The following DLG2 variants were observed in gnomAD, a reference collection of about 807,000 sequenced individuals.
DLG2 encodes the protein disks large homolog 2.
DLG2 carries 45 observed loss-of-function variants against 132.5 expected under a neutral mutation model. The ratio of observed to expected loss-of-function variants is 0.34; its 90% CI spans 0.27 to 0.44. The LOEUF (loss-of-function observed/expected upper bound fraction) is 0.44. Ranked by LOEUF, DLG2 falls within the 20% of genes least tolerant of loss-of-function variation. The pLI is 1.00. For missense variants in DLG2, 1,045 were observed against 1,196.9 expected (o/e 0.87, Z 1.87); for synonymous variants, 424 against 419.6 (o/e 1.01, Z -0.13).
At chr11:84,990,445 G>A (rs1566590919) in intron 6 of DLG2, among the ~76,000 whole-genome samples, 2 of 152,116 alleles carry the variant, frequency 1.3e-5, no homozygotes, top group African/African-American at 4.8e-5. Context: ...TGCCATGCAA[G>A]AATGCAGCAA....
At chr11:83,842,262 C>T (rs189737780) in intron 16 of DLG2, among the ~76,000 whole-genome samples, 2 of 152,146 alleles carry the variant, frequency 1.3e-5, no homozygotes, top group East Asian at 3.9e-4. Flanking sequence ...TAGGCTTTCT[C>T]TCTTTACGGC....
At chr11:85,273,052 T>C (rs1460987574) in intron 4 of DLG2, among the ~76,000 whole-genome samples, 2 of 152,218 alleles carry the variant, frequency 1.3e-5, no homozygotes, top group Non-Finnish European at 2.9e-5. Flanking sequence ...GCTAGCCATA[T>C]GTAGAAAGCT....
At chr11:83,511,213 A>G (rs748214089) in intron 21 of DLG2, among the ~76,000 whole-genome samples, 3 of 151,886 alleles carry the variant, frequency 2.0e-5, no homozygotes, top group African/African-American at 7.3e-5. Flanking sequence ...CTGTAAACCA[A>G]TTGTCACTTT....
At chr11:85,507,988 T>C (rs751962370) in intron 3 of DLG2, among the ~76,000 whole-genome samples, 20 of 152,180 alleles carry the variant, frequency 1.3e-4, no homozygotes, top group Admixed American at 1.1e-3. Context: ...TTTCTTTCAG[T>C]TGATCAAATT....
intron 6 of DLG2, among the ~76,000 whole-genome samples, chr11:84,916,817 G>A (rs2092496796): frequency 6.6e-6 from 1 of 152,158 alleles, no homozygotes; most frequent in Non-Finnish European, 1.5e-5. Flanking sequence ...CAGCCACACT[G>A]GCTTCTTAGA....
At chr11:83,762,865 G>C (rs2093971341) in intron 18 of DLG2, among the ~76,000 whole-genome samples, 1 of 152,238 alleles carries the variant, frequency 6.6e-6, no homozygotes, top group African/African-American at 2.4e-5. Flanking sequence ...ACAGGCGTGA[G>C]CCAATGTGCC....
At chr11:84,375,376 A>T (rs1343643031) in intron 7 of DLG2, among the ~76,000 whole-genome samples, 1 of 152,136 alleles carries the variant, frequency 6.6e-6, no homozygotes, top group African/African-American at 2.4e-5. Flanking sequence ...TGGTTCTTTG[A>T]AAACAATATA....
chr11:85,331,351 T>C (rs2081730409), intron 3 of DLG2, among the ~76,000 whole-genome samples: 1 of 152,222 alleles, frequency 6.6e-6, no homozygotes, highest in African/African-American at 2.4e-5. Context: ...ATATTCACTT[T>C]TAAAGATGCT....
chr11:83,596,960 T>G (rs1164987263), intron 19 of DLG2, among the ~76,000 whole-genome samples: 1 of 152,204 alleles, frequency 6.6e-6, no homozygotes, highest in Non-Finnish European at 1.5e-5. Flanking sequence ...GATTCCTCAC[T>G]GTCATCAGAT....
chr11:83,659,349 C>A (rs899923915), intron 18 of DLG2, among the ~76,000 whole-genome samples: 2 of 152,148 alleles, frequency 1.3e-5, no homozygotes, highest in Non-Finnish European at 2.9e-5. Context: ...TTGGACCACA[C>A]CCAGACCAGA....
intron 21 of DLG2, among the ~76,000 whole-genome samples, chr11:83,502,217 G>C (rs887880966): frequency 1.3e-5 from 2 of 152,180 alleles, no homozygotes; most frequent in African/African-American, 4.8e-5. Flanking sequence ...CTGAGCTAGA[G>C]AAAGGTTGAG....
chr11:84,273,146 C>A, intron 7 of DLG2: 2 of 1,504,712 alleles, frequency 1.3e-6, no homozygotes, highest in South Asian at 1.3e-5. Flanking sequence ...GAAAATTTTC[C>A]TTACCGGAAT....
intron 3 of DLG2, among the ~76,000 whole-genome samples, chr11:85,585,205 C>T: frequency 6.6e-6 from 1 of 152,122 alleles, no homozygotes; most frequent in East Asian, 1.9e-4. Flanking sequence ...GATCCAGTTT[C>T]ATTCTTCTAC....
Position 85,413,823 on chromosome 11 carries a change from T to A in DLG2, c.41-128458A>T, listed in dbSNP as rs535142674. ...TATGGCCTTATAGAATAGTTTGAAA[T>A]CAGGTAATGTGATGCTTCCAGGTTT... On this transcript the variant is annotated intron_variant, in intron 3 of 27. Coordinates refer to ENST00000376104, the MANE Select transcript of DLG2 (RefSeq NM_001142699.3). Among the ~76,000 whole-genome samples, 73 of 152,250 alleles carry A rather than the reference T, an allele frequency of 4.8e-4. 2 individuals are homozygous for A. The highest frequency in any genetic ancestry group is 1.6e-3 in the African/African-American group (67 of 41,570).
intron 2 of DLG2, among the ~76,000 whole-genome samples, chr11:85,609,437 T>C (rs2080831507): frequency 6.6e-6 from 1 of 152,172 alleles, no homozygotes; most frequent in East Asian, 1.9e-4. Flanking sequence ...GCCTTAGTCA[T>C]GGCCCTCAGA....
At chr11:84,728,519 G>A (rs1489117400) in intron 6 of DLG2, among the ~76,000 whole-genome samples, 7 of 152,096 alleles carry the variant, frequency 4.6e-5, no homozygotes, top group South Asian at 2.1e-4. Flanking sequence ...CCTTCGCATC[G>A]ATGTTCATCA....
At chr11:83,465,040 A>G (rs1311256203) in intron 26 of DLG2, among the ~76,000 whole-genome samples, 1 of 152,128 alleles carries the variant, frequency 6.6e-6, no homozygotes, top group Non-Finnish European at 1.5e-5. Flanking sequence ...AATACATGCT[A>G]TTGGGGATGA....
chr11:83,543,220 AC>A (rs1381627667), intron 19 of DLG2, among the ~76,000 whole-genome samples: 1 of 152,018 alleles, frequency 6.6e-6, no homozygotes, highest in African/African-American at 2.4e-5. Context: ...CACCTTGACC[AC>A]CCCTGCCAAA....
intron 16 of DLG2, among the ~76,000 whole-genome samples, chr11:83,860,765 C>T (rs1358564026): frequency 6.6e-6 from 1 of 152,156 alleles, no homozygotes; most frequent in Non-Finnish European, 1.5e-5. Context: ...ACTGTGTCCC[C>T]ACCTAAATCT....
Sources: gnomAD v4.1 joint callset for allele counts (sites outside exome capture counted in the v4.1 genomes callset) on GRCh38, gnomAD v4.1.1 for gene constraint, MANE v1.5 for transcripts, NCBI Gene and HGNC (gene_info 2026-07-23, HGNC 2026-07-21) for gene names.